The following SPDYA variants were observed in gnomAD, a reference collection of about 807,000 sequenced individuals.
The protein encoded by SPDYA is speedy protein A.
In SPDYA, 11 loss-of-function variants were observed where a neutral mutation model predicts 36.7. The observed-to-expected ratio is 0.30, with a 90% CI of 0.19 to 0.50. The LOEUF is 0.50. Ranked by LOEUF, SPDYA falls within the 20% of genes least tolerant of loss-of-function variation. The pLI is 0.98. For missense variants in SPDYA, 287 were observed against 370.9 expected (o/e 0.77, Z 1.86); for synonymous variants, 115 against 118.7 (o/e 0.97, Z 0.20).
intron 5 of SPDYA, among the ~76,000 whole-genome samples, chr2:28,825,360 T>C (rs916462391): frequency 6.6e-6 from 1 of 152,192 alleles, no homozygotes; most frequent in African/African-American, 2.4e-5. Context: ...TAGAGCACTA[T>C]TGAGTTTATG....
chr2:28,847,114 G>A (rs1441871211), intron 7 of SPDYA, among the ~76,000 whole-genome samples: 2 of 152,128 alleles, frequency 1.3e-5, no homozygotes, highest in Non-Finnish European at 1.5e-5. Context: ...TGGCTGAGTC[G>A]GGTGGATCAC....
Position 28,827,404 on chromosome 2 carries a change from T to G in SPDYA, c.381-1744T>G, listed in dbSNP as rs572121850. Among the ~76,000 whole-genome samples the G allele has an allele frequency of 4.6e-5, 7 of 152,362 alleles. No individual in the cohort carries two copies. The South Asian group carries it at 1.2e-3, about 27-fold the overall frequency. On this transcript the variant is annotated intron_variant, in intron 5 of 7. Coordinates refer to ENST00000334056, the MANE Select transcript of SPDYA (RefSeq NM_182756.4). The stretch of plus-strand genomic sequence containing the variant: ...GTTCTATTTTCTTCTTTTTCAAATA[T>G]ACTTTTCCATGTATCGTATTATCTT...
Position 28,811,152 on chromosome 2 carries a change from G to A in SPDYA, c.-93+205G>A, listed in dbSNP as rs1667829697. 1 of 152,482 alleles carries A rather than the reference G, an allele frequency of 6.6e-6. No homozygotes were observed. The highest frequency in any genetic ancestry group is 2.1e-4 in the South Asian group (1 of 4,832). 9.4% of individuals were successfully genotyped at this position (152,482 alleles called of 1,614,324 possible). A position where few individuals can be genotyped will look rare whatever the true frequency, so the allele number is the denominator to read the frequency against. On this transcript the variant is annotated intron_variant, in intron 1 of 7. Coordinates refer to ENST00000334056, the MANE Select transcript of SPDYA (RefSeq NM_182756.4). The surrounding 1 kb of genome is among the most constrained non-coding windows in gnomAD (Gnocchi z 4.2). ...ACACGCGCTCCCCGCAGCGGGCTCT[G>A]GGCTGAGGGACCTGGCGAGGGAGGC...
In SPDYA at chr2:28,811,646, T is replaced by A. The variant is rs139097851; in HGVS notation, c.-93+699T>A. The stretch of plus-strand genomic sequence containing the variant: ...AGCAGCCCACAGCGAAAACCCCGTC[T>A]CTACAAAAAAATAATGAAAAAAAAA... On this transcript the variant is annotated intron_variant, in intron 1 of 7. Coordinates refer to ENST00000334056, the MANE Select transcript of SPDYA (RefSeq NM_182756.4). This position sits in a 1 kb window ranked among gnomAD's most constrained non-coding sequence, Gnocchi z 4.2. Among the ~76,000 whole-genome samples the A allele has an allele frequency of 4.5e-3, 677 of 151,716 alleles. 6 individuals are homozygous for A. Among genetic ancestry groups the A allele is most frequent in the African/African-American group, 0.016 (641 of 41,324 alleles).
chr2:28,821,357 G>A (rs557537014), intron 4 of SPDYA, among the ~76,000 whole-genome samples: 1 of 151,862 alleles, frequency 6.6e-6, no homozygotes, highest in South Asian at 2.1e-4. Flanking sequence ...GTGCCACCAC[G>A]CCCGGCTAAT....
intron 5 of SPDYA, among the ~76,000 whole-genome samples, chr2:28,825,240 G>GA (rs1444681962): frequency 2.0e-5 from 3 of 146,900 alleles, no homozygotes; most frequent in African/African-American, 7.5e-5. Context: ...TTTATTTTGT[G>GA]TTTTTTTTTT....
Position 28,835,560 on chromosome 2 carries a change from C to A in SPDYA, c.553-4612C>A, listed in dbSNP as rs183207531. Among the ~76,000 whole-genome samples, 4 of 152,298 alleles carry A rather than the reference C, an allele frequency of 2.6e-5. No homozygotes were observed. The East Asian group carries it at 7.7e-4, about 29-fold the overall frequency. The stretch of plus-strand genomic sequence containing the variant: ...TTTGTTCTTATTCTATCTCCAGAGC[C>A]TAGAACAGTGCCTGGCACATAGTGG... On this transcript the variant is annotated intron_variant, in intron 6 of 7. Transcript: ENST00000334056.
At chr2:28,831,622 C>T (rs1668480651) in intron 6 of SPDYA, among the ~76,000 whole-genome samples, 1 of 152,034 alleles carries the variant, frequency 6.6e-6, no homozygotes, top group African/African-American at 2.4e-5. Flanking sequence ...TATTTATTTG[C>T]TTATCTATTG....
chr2:28,820,055 A>G (rs1668119094), intron 4 of SPDYA, among the ~76,000 whole-genome samples: 1 of 150,802 alleles, frequency 6.6e-6, no homozygotes, highest in Non-Finnish European at 1.5e-5. Flanking sequence ...AAATCAGTAT[A>G]GACTTAATAC....
In SPDYA at chr2:28,816,075, G is replaced by T. The variant is rs1229706664; in HGVS notation, c.61G>T (p.Gly21Trp). 6.2e-7 allele frequency: 1 copy of T among 1,613,806 alleles called. No homozygotes were observed. Reference protein sequence around the residue: ...PPTVTVYVKSGSNRSHQPKKP... With the variant: ...PPTVTVYVKSWSNRSHQPKKP... ...TACTGTCACTGTTTATGTAAAATCAGGGTCAAATAGATCACATCAGCCTAA... is the reference window on the plus strand; with the variant it reads ...TACTGTCACTGTTTATGTAAAATCATGGTCAAATAGATCACATCAGCCTAA... The change falls in exon 3 of 8, where the codon GGG becomes TGG. Residue 21 changes from glycine (G) to tryptophan (W), a missense_variant. By Grantham distance (184) the Gly-to-Trp change is radical. Coordinates refer to ENST00000334056, the MANE Select transcript of SPDYA (RefSeq NM_182756.4).
At position 28,840,230 on chromosome 2, in the gene SPDYA, G is replaced by C. The variant is rs1359348796; in HGVS notation, c.611G>C (p.Ser204Thr). 2 of 1,614,060 alleles carry C rather than the reference G, an allele frequency of 1.2e-6. No homozygotes were observed. The highest frequency in any genetic ancestry group is 1.7e-6 in the Non-Finnish European group (2 of 1,180,034). The change falls in exon 7 of 8, where the codon AGT becomes ACT. Residue 204 changes from serine (S) to threonine (T), a missense_variant. Transcript: ENST00000334056. ...CAAAGAGAACGTTCTGTTCATCACAGTGGAGCTGTCAGAAACTACAACAGA... is the reference window on the plus strand; with the variant it reads ...CAAAGAGAACGTTCTGTTCATCACACTGGAGCTGTCAGAAACTACAACAGA... ...IWQRERSVHHSGAVRNYNRDE... is the reference protein window; with the variant it reads ...IWQRERSVHHTGAVRNYNRDE...
In SPDYA at chr2:28,850,525, CAT is replaced by C. The variant is rs1485849999; in HGVS notation, c.*587_*588del. The C allele has an allele frequency of 1.3e-5, 9 of 670,074 alleles. No individual in the cohort carries two copies. The highest frequency in any genetic ancestry group is 2.0e-5 in the Non-Finnish European group (8 of 401,136). 41.5% of individuals were successfully genotyped at this position (670,074 alleles called of 1,614,324 possible). On this transcript the variant is annotated 3_prime_UTR_variant, in exon 8 of 8. Coordinates refer to ENST00000334056, the MANE Select transcript of SPDYA (RefSeq NM_182756.4). ...AGTTTTTTCTTTATTTATTTCCTTG[CAT>C]ATGTTTTAGAGCTACTCTGCCAGTT...
intron 6 of SPDYA, among the ~76,000 whole-genome samples, chr2:28,830,546 GATC>G (rs918855117): frequency 2.0e-5 from 3 of 151,970 alleles, no homozygotes; most frequent in Non-Finnish European, 4.4e-5. Flanking sequence ...CTGTCTAAAG[GATC>G]ATCAATATAT....
chr2:28,813,982 C>G (rs908795447), intron 1 of SPDYA, among the ~76,000 whole-genome samples: 1 of 152,166 alleles, frequency 6.6e-6, no homozygotes, highest in Non-Finnish European at 1.5e-5. Flanking sequence ...CAATTTATCA[C>G]CTACTCCTCT....
rs536454531 is a variant in SPDYA at position 28,815,327 on chromosome 2, C to T, written c.-19+641C>T. 1.9e-3 allele frequency among the ~76,000 whole-genome samples: 270 copies of T among 138,730 alleles called. 10 individuals are homozygous for T. The East Asian group carries it at 0.052, about 27-fold the overall frequency. 91.0% of individuals were successfully genotyped at this position (138,730 alleles called of 152,430 possible). A position where few individuals can be genotyped will look rare whatever the true frequency, so the allele number is the denominator to read the frequency against. On this transcript the variant is annotated intron_variant, in intron 2 of 7. Coordinates refer to ENST00000334056, the MANE Select transcript of SPDYA (RefSeq NM_182756.4). The stretch of plus-strand genomic sequence containing the variant: ...ACACACACACACACACACACACACA[C>T]GAGAAAAAAAGGAAAACAGAAAAGT...
intron 6 of SPDYA, among the ~76,000 whole-genome samples, chr2:28,833,036 A>C (rs1046502645): frequency 6.6e-6 from 1 of 152,022 alleles, no homozygotes; most frequent in East Asian, 1.9e-4. Context: ...GGGTCTCGCT[A>C]TGTTGCCCAG....
intron 6 of SPDYA, among the ~76,000 whole-genome samples, chr2:28,837,742 C>CTTTTTTT (rs201687264): frequency 7.5e-6 from 1 of 132,598 alleles, no homozygotes; most frequent in African/African-American, 2.9e-5. Context: ...AGAGTCAGTG[C>CTTTTTTT]TTTTTTTTTT....
chr2:28,842,234 T>C (rs556495147), intron 7 of SPDYA: 11 of 152,196 alleles, frequency 7.2e-5, no homozygotes, highest in African/African-American at 2.7e-4. Context: ...AGCAGACTAC[T>C]AAGGAGGTGG....
intron 5 of SPDYA, among the ~76,000 whole-genome samples, chr2:28,823,108 C>T (rs537760772): frequency 6.6e-6 from 1 of 152,220 alleles, no homozygotes; most frequent in African/African-American, 2.4e-5. Flanking sequence ...GTGGAAAATG[C>T]TCTAAACATA....
Sources: allele counts gnomAD v4.1 joint callset (sites outside exome capture counted in the v4.1 genomes callset), GRCh38; gene constraint gnomAD v4.1.1; non-coding constraint Gnocchi (gnomAD v3.1); transcripts MANE v1.5; gene names NCBI Gene and HGNC (gene_info 2026-07-23, HGNC 2026-07-21).